The following DMRT1 variants were observed in gnomAD, a reference collection of about 807,000 sequenced individuals.
DMRT1 encodes doublesex- and mab-3-related transcription factor 1.
DMRT1 carries 7 observed loss-of-function variants against 32.3 expected under a neutral mutation model. The ratio of observed to expected loss-of-function variants is 0.22; its 90% confidence interval spans 0.12 to 0.41. The LOEUF is 0.41. Among genes scored for constraint, DMRT1 ranks in the 10% least tolerant of loss-of-function variants. The pLI, the probability that DMRT1 is intolerant of heterozygous loss-of-function variation, is 1.00. For synonymous variants in DMRT1, 278 were observed against 206.1 expected (o/e 1.35, Z -2.99); for missense variants, 625 against 500.5 (o/e 1.25, Z -2.37).
intron 2 of DMRT1, among the ~76,000 whole-genome samples, chr9:871,159 G>A (rs189915329): frequency 6.6e-6 from 1 of 151,716 alleles, no homozygotes; most frequent in East Asian, 1.9e-4. Context: ...ACCTCAGCCT[G>A]AGTAGCTGGG....
chr9:855,169 A>G (rs1228836084), intron 2 of DMRT1, among the ~76,000 whole-genome samples: 3 of 152,082 alleles, frequency 2.0e-5, no homozygotes, highest in Non-Finnish European at 2.9e-5. Context: ...TTAATTGGTC[A>G]GATAGAAACT....
intron 1 of DMRT1, among the ~76,000 whole-genome samples, chr9:845,724 C>T (rs980581820): frequency 2.0e-5 from 3 of 152,174 alleles, no homozygotes; most frequent in Non-Finnish European, 4.4e-5. Context: ...CTCCCGCATG[C>T]TCCCTCCACC....
At chr9:848,291 T>A (rs1046097444) in intron 2 of DMRT1, among the ~76,000 whole-genome samples, 1 of 152,124 alleles carries the variant, frequency 6.6e-6, no homozygotes, top group Non-Finnish European at 1.5e-5. Flanking sequence ...TTGTCAAAAA[T>A]GAGGGAAAGG....
chr9:889,620 T>A (rs1447255238), intron 2 of DMRT1, among the ~76,000 whole-genome samples: 2 of 152,242 alleles, frequency 1.3e-5, no homozygotes, highest in African/African-American at 2.4e-5. Context: ...TTCAGAGTTA[T>A]TACTGCCATT....
At chr9:887,019 A>G (rs10815945) in intron 2 of DMRT1, among the ~76,000 whole-genome samples, 81,271 of 152,126 alleles carry the variant, frequency 0.53, 25,233 homozygotes, top group South Asian at 0.7. Flanking sequence ...TCTCTGGATG[A>G]CAGATATTAA....
intron 4 of DMRT1, among the ~76,000 whole-genome samples, chr9:923,734 G>A (rs1446427614): frequency 6.6e-6 from 1 of 152,182 alleles, no homozygotes; most frequent in East Asian, 1.9e-4. Context: ...GTATTTCTCA[G>A]CCAGTAGGAT....
At chr9:873,998 C>A (rs1816388078) in intron 2 of DMRT1, among the ~76,000 whole-genome samples, 1 of 152,146 alleles carries the variant, frequency 6.6e-6, no homozygotes, top group African/African-American at 2.4e-5. Flanking sequence ...ATAAATTATT[C>A]CTACAGAGTA....
intron 4 of DMRT1, among the ~76,000 whole-genome samples, chr9:937,220 C>T (rs1048904753): frequency 2.0e-5 from 3 of 151,788 alleles, no homozygotes; most frequent in Non-Finnish European, 4.4e-5. Context: ...TGCCTGTGTG[C>T]GCCTTCTTTT....
At chr9:950,685 C>T (rs1819400039) in intron 4 of DMRT1, among the ~76,000 whole-genome samples, 1 of 152,162 alleles carries the variant, frequency 6.6e-6, no homozygotes, top group South Asian at 2.1e-4. Flanking sequence ...CAGCTCCTGC[C>T]TTAGGCTGGT....
rs113799813 is a variant in DMRT1, at chr9:906,697, C to T, written c.823-10066C>T. Among the ~76,000 whole-genome samples, 1,342 of 151,866 alleles carry T rather than the reference C, an allele frequency of 8.8e-3. 10 individuals carry two copies. The highest frequency in any genetic ancestry group is 0.013 in the South Asian group (62 of 4,794). On this transcript the variant is annotated intron_variant, in intron 3 of 4. Coordinates refer to ENST00000382276, the MANE Select transcript of DMRT1 (RefSeq NM_021951.3). ...GTGGGCATCATTTCTCATTTTCAGA[C>T]AATCAAAAAAAAAGTTTATTTGCTC...
At chr9:955,250 T>C (rs1250542929) in intron 4 of DMRT1, among the ~76,000 whole-genome samples, 5 of 152,098 alleles carry the variant, frequency 3.3e-5, no homozygotes, top group Non-Finnish European at 5.9e-5. Flanking sequence ...CCACTGGCAT[T>C]GGTGACCAGC....
intron 4 of DMRT1, among the ~76,000 whole-genome samples, chr9:935,091 T>C (rs891414988): frequency 6.6e-6 from 1 of 152,258 alleles, no homozygotes; most frequent in Non-Finnish European, 1.5e-5. Flanking sequence ...ATTTAAAGAC[T>C]GTGGGTGATT....
intron 4 of DMRT1, among the ~76,000 whole-genome samples, chr9:924,167 G>A (rs1157417498): frequency 3.3e-5 from 5 of 150,676 alleles, no homozygotes; most frequent in African/African-American, 1.2e-4. Context: ...TGCCTCCCAG[G>A]TTCAAGCAAT....
At chr9:900,367 A>G (rs1244482647) in intron 3 of DMRT1, among the ~76,000 whole-genome samples, 3 of 101,200 alleles carry the variant, frequency 3.0e-5, no homozygotes, top group Admixed American at 1.8e-4. Flanking sequence ...TCGTTTTCCC[A>G]CTGCCCCCCC....
chr9:943,510 A>G (rs73639927), intron 4 of DMRT1, among the ~76,000 whole-genome samples: 2,899 of 152,346 alleles, frequency 0.019, 98 homozygotes, highest in African/African-American at 0.066. Context: ...CTCACACTTG[A>G]CAGTACATTT....
intron 4 of DMRT1, among the ~76,000 whole-genome samples, chr9:960,711 A>G (rs1281557730): frequency 2.0e-5 from 3 of 152,212 alleles, no homozygotes; most frequent in Non-Finnish European, 4.4e-5. Flanking sequence ...AGGTACTCCT[A>G]AGTGAGAGGA....
At chr9:878,425 C>A (rs1447113048) in intron 2 of DMRT1, among the ~76,000 whole-genome samples, 3 of 152,042 alleles carry the variant, frequency 2.0e-5, no homozygotes, top group Non-Finnish European at 4.4e-5. Flanking sequence ...GCTTTCCTGG[C>A]GCCAGGTTTG....
intron 4 of DMRT1, among the ~76,000 whole-genome samples, chr9:942,092 G>C (rs1819093611): frequency 6.6e-6 from 1 of 152,154 alleles, no homozygotes; most frequent in Non-Finnish European, 1.5e-5. Context: ...AAGTGACATA[G>C]GTATGACAAC....
At chr9:876,801 G>A (rs1248655604) in intron 2 of DMRT1, among the ~76,000 whole-genome samples, 1 of 152,190 alleles carries the variant, frequency 6.6e-6, no homozygotes, top group Non-Finnish European at 1.5e-5. Context: ...GAAGTGCTGA[G>A]ATTACAGGCA....
Sources: gnomAD v4.1 joint callset for allele counts (sites outside exome capture counted in the v4.1 genomes callset) on GRCh38, gnomAD v4.1.1 for gene constraint, MANE v1.5 for transcripts, NCBI Gene and HGNC (gene_info 2026-07-23, HGNC 2026-07-21) for gene names.